The following FBL variants were observed in gnomAD, a reference collection of about 807,000 sequenced individuals.
FBL encodes rRNA 2'-O-methyltransferase fibrillarin.
FBL carries 10 observed loss-of-function variants against 42.2 expected under a neutral mutation model. That is an observed-to-expected ratio of 0.24 (90% CI 0.15 to 0.40). The LOEUF (loss-of-function observed/expected upper bound fraction) is 0.40, where lower values mean the gene tolerates loss of function less well. FBL is among the 10% of genes least tolerant of loss of function. The pLI is 1.00. For missense variants in FBL, 351 were observed against 439.2 expected (o/e 0.80, Z 1.79); for synonymous variants, 165 against 165.4 (o/e 1.00, Z 0.02).
chr19:39,838,845 C>T (rs1203869700), intron 5 of FBL, 190 bp downstream of exon 5: 2 of 573,052 alleles, frequency 3.5e-6, no homozygotes, highest in Non-Finnish European at 6.1e-6. Flanking sequence ...CCCTTGAGGC[C>T]AAGAACCCAG....
At chr19:39,836,392 C>G (rs1025250096) in intron 7 of FBL, among the ~76,000 whole-genome samples, 164 bp downstream of exon 7, 7 of 152,164 alleles carry the variant, frequency 4.6e-5, no homozygotes, top group South Asian at 2.1e-4. Context: ...TGGTCAGACT[C>G]AATTTTGCAC....
intron 1 of FBL, among the ~76,000 whole-genome samples, chr19:39,841,429 A>C (rs1315144551): frequency 2.6e-5 from 4 of 152,214 alleles, no homozygotes; most frequent in African/African-American, 9.6e-5. Context: ...AATGGGAAGG[A>C]GATATTAATA....
chr19:39,844,579 C>T (rs1170561941), intron 1 of FBL, among the ~76,000 whole-genome samples: 1 of 152,166 alleles, frequency 6.6e-6, no homozygotes, highest in Non-Finnish European at 1.5e-5. Flanking sequence ...CACCCCCAAA[C>T]CCTTGGTTAT....
At chr19:39,836,417 C>T (rs1196728545) in intron 7 of FBL, 139 bp downstream of exon 7, 1 of 557,366 alleles carries the variant, frequency 1.8e-6, no homozygotes, top group Non-Finnish European at 3.2e-6. Context: ...CCGCTGCACT[C>T]TCCTGCCTCT....
rs775084179 is a variant in FBL, at chr19:39,839,036, G to T, written c.548C>A (p.Pro183Gln). 1 of 1,608,762 alleles carries T rather than the reference G, an allele frequency of 6.2e-7. No individual in the cohort carries two copies. Among genetic ancestry groups the T allele is most frequent in the African/African-American group, 1.3e-5 (1 of 74,826 alleles). The change falls in exon 5 of 9, where the codon CCG (proline) becomes CAG (glutamine). Residue 183 changes from proline (P) to glutamine (Q), a missense_variant and splice_region_variant. By Grantham distance (76) the Pro-to-Gln change is moderately conservative. Transcript: ENST00000221801. ...TVSHVSDIVG[P>Q]DGLVYAVEFS... Reference sequence around the variant, plus strand: ...CTGACTCTCCATCTACTCACTCACCGGACCAACGATGTCAGAGACATGGGA... The same window carrying T: ...CTGACTCTCCATCTACTCACTCACCTGACCAACGATGTCAGAGACATGGGA...
At chr19:39,844,783 A>G (rs114309867) in intron 1 of FBL, among the ~76,000 whole-genome samples, 4 of 152,202 alleles carry the variant, frequency 2.6e-5, no homozygotes. Context: ...AGCAAAAAGA[A>G]TCCCTTTTAA....
chr19:39,835,893 G>A (rs1038209023), intron 7 of FBL, among the ~76,000 whole-genome samples: 3 of 151,872 alleles, frequency 2.0e-5, no homozygotes, highest in African/African-American at 4.8e-5. Context: ...ACCACTTCAC[G>A]CCAGCCTTGG....
At chr19:39,834,636 C>T (rs1968990867) in intron 8 of FBL, 32 bp downstream of exon 8, 1 of 1,614,158 alleles carries the variant, frequency 6.2e-7, no homozygotes, top group Non-Finnish European at 8.5e-7. Flanking sequence ...ACAGAGATGT[C>T]TGTCTTGGTG....
At chr19:39,845,716 C>T (rs1969251207) in intron 1 of FBL, among the ~76,000 whole-genome samples, 1 of 152,250 alleles carries the variant, frequency 6.6e-6, no homozygotes, top group Non-Finnish European at 1.5e-5. Context: ...ATCCGCCCCA[C>T]TGTAAGTGCA....
rs746293343 is a variant in FBL at position 39,840,995 on chromosome 19, C to A, written c.11-208G>T. 1.3e-5 allele frequency among the ~76,000 whole-genome samples: 2 copies of A among 152,162 alleles called. No homozygotes were observed. Among genetic ancestry groups the A allele is most frequent in the African/African-American group, 2.4e-5 (1 of 41,418 alleles). On this transcript the variant is annotated intron_variant, in intron 1 of 8. Transcript: ENST00000221801. The surrounding 1 kb of genome is among the most constrained non-coding windows in gnomAD (Gnocchi z 4.5). ...ATGGGCAAATAAAATAGAAGACATTCACAATCAAGATCATGAAAATGACCT... is the reference window on the plus strand; with the variant it reads ...ATGGGCAAATAAAATAGAAGACATTAACAATCAAGATCATGAAAATGACCT...
In FBL at chr19:39,839,021, A is replaced by G. The variant is rs1437505365; in HGVS notation, c.549+14T>C. ...GCCTTTACCTCCTGCCTGACTCTCCATCTACTCACTCACCGGACCAACGAT... is the reference window on the plus strand; with the variant it reads ...GCCTTTACCTCCTGCCTGACTCTCCGTCTACTCACTCACCGGACCAACGAT... On this transcript the variant is annotated intron_variant, in intron 5 of 8. Coordinates refer to ENST00000221801, the MANE Select transcript of FBL (RefSeq NM_001436.4). 2.5e-6 allele frequency: 4 copies of G among 1,603,022 alleles called. No individual in the cohort carries two copies. Among genetic ancestry groups the G allele is most frequent in the Non-Finnish European group, 3.4e-6 (4 of 1,174,460 alleles).
At chr19:39,836,029 G>C (rs1371815774) in intron 7 of FBL, among the ~76,000 whole-genome samples, 1 of 152,064 alleles carries the variant, frequency 6.6e-6, no homozygotes, top group Non-Finnish European at 1.5e-5. Flanking sequence ...TTATACCCAG[G>C]AATTGTTTGG....
At position 39,840,441 on chromosome 19, in the gene FBL, C is replaced by T; in HGVS notation, c.256G>A (p.Val86Met). The change falls in exon 3 of 9, where the codon GTG becomes ATG. Residue 86 changes from valine (V) to methionine (M), a missense_variant. Coordinates refer to ENST00000221801, the MANE Select transcript of FBL (RefSeq NM_001436.4). This position sits in a 1 kb window ranked among gnomAD's most constrained non-coding sequence, Gnocchi z 4.5. ...GKRGNQSGKN[V>M]MVEPHRHEGV... ...TCATGCCGATGCGGCTCCACCATCA[C>T]ATTCTTCCCCGACTGGTTTCCTCTT... 2.5e-6 allele frequency: 4 copies of T among 1,614,172 alleles called. No individual in the cohort carries two copies. Among genetic ancestry groups the T allele is most frequent in the Non-Finnish European group, 3.4e-6 (4 of 1,180,026 alleles).
chr19:39,839,879 C>G (rs1969124032), intron 4 of FBL, among the ~76,000 whole-genome samples: 1 of 152,018 alleles, frequency 6.6e-6, no homozygotes, highest in South Asian at 2.1e-4. Flanking sequence ...TGTGACGCAG[C>G]CTGGAGAAGC....
Position 39,840,812 on chromosome 19 carries a change from C to T in FBL, c.11-25G>A. The T allele has an allele frequency of 6.6e-7, 1 of 1,513,880 alleles. No individual in the cohort carries two copies. The highest frequency in any genetic ancestry group is 8.9e-7 in the Non-Finnish European group (1 of 1,128,588). The allele number at this position is 1,513,880 out of a possible 1,614,324, so 93.8% of individuals were successfully genotyped here. On this transcript the variant is annotated intron_variant, in intron 1 of 8. Coordinates refer to ENST00000221801, the MANE Select transcript of FBL (RefSeq NM_001436.4). The surrounding 1 kb of genome is among the most constrained non-coding windows in gnomAD (Gnocchi z 4.5). ...CCTGTGGGGGAAACAAAACAGGAGTCAGGGCAATGAAGCTTAAAAGGTTAA... is the reference window on the plus strand; with the variant it reads ...CCTGTGGGGGAAACAAAACAGGAGTTAGGGCAATGAAGCTTAAAAGGTTAA...
chr19:39,842,424 C>G (rs1227472487), intron 1 of FBL, among the ~76,000 whole-genome samples: 1 of 152,146 alleles, frequency 6.6e-6, no homozygotes, highest in African/African-American at 2.4e-5. Flanking sequence ...ATGATCTTGT[C>G]CTACGAACCC....
chr19:39,834,939 C>A, intron 7 of FBL, 126 bp from the exon 8 acceptor site: 1 of 974,792 alleles, frequency 1.0e-6, no homozygotes, highest in Non-Finnish European at 1.5e-6. Context: ...CTAGTGTGTC[C>A]CCCAAAGTTC....
rs1038011951 is a variant in FBL at position 39,840,978 on chromosome 19, A to G, written c.11-191T>C. On this transcript the variant is annotated intron_variant, in intron 1 of 8. Coordinates refer to ENST00000221801, the MANE Select transcript of FBL (RefSeq NM_001436.4). The surrounding 1 kb of genome is among the most constrained non-coding windows in gnomAD (Gnocchi z 4.5). ...AAATGTCCATCAATAGAATGGGCAAATAAAATAGAAGACATTCACAATCAA... is the reference window on the plus strand; with the variant it reads ...AAATGTCCATCAATAGAATGGGCAAGTAAAATAGAAGACATTCACAATCAA... Among the ~76,000 whole-genome samples, 36 of 152,266 alleles carry G rather than the reference A, an allele frequency of 2.4e-4. No individual in the cohort carries two copies. Among genetic ancestry groups the G allele is most frequent in the South Asian group, 1.2e-3 (6 of 4,836 alleles).
chr19:39,835,501 G>C (rs137932612), intron 7 of FBL, among the ~76,000 whole-genome samples: 1 of 152,042 alleles, frequency 6.6e-6, no homozygotes, highest in Non-Finnish European at 1.5e-5. Context: ...CCTGGTGACA[G>C]AGTAAGACTC....
Sources: allele counts gnomAD v4.1 joint callset (sites outside exome capture counted in the v4.1 genomes callset), GRCh38; gene constraint gnomAD v4.1.1; non-coding constraint Gnocchi (gnomAD v3.1); transcripts MANE v1.5; gene names NCBI Gene and HGNC (gene_info 2026-07-23, HGNC 2026-07-21).